PACRG: variants seen among roughly 807,000 people sequenced by gnomAD.
The protein encoded by PACRG is parkin coregulated.
PACRG carries 29 observed loss-of-function variants against 29.7 expected under a neutral mutation model. That is an observed-to-expected ratio of 0.98 (90% CI 0.73 to 1.33). The LOEUF is 1.33. Among genes scored for constraint, PACRG ranks in the 40% most tolerant of loss-of-function variants. The pLI is 0.00. For missense variants in PACRG, 279 were observed against 316.2 expected, an observed-to-expected ratio of 0.88 and a Z score of 0.89; for synonymous variants, 116 against 118.7, an observed-to-expected ratio of 0.98 and a Z score of 0.15.
At chr6:162,740,418 A>C (rs12664219) in intron 1 of PACRG, among the ~76,000 whole-genome samples, 74,253 of 148,140 alleles carry the variant, frequency 0.5, 20,450 homozygotes, top group African/African-American at 0.76. Context: ...TCACGCCATT[A>C]TCCTGCCTCA....
chr6:163,138,118 T>G (rs534253314), intron 4 of PACRG, among the ~76,000 whole-genome samples: 1 of 152,324 alleles, frequency 6.6e-6, no homozygotes, highest in East Asian at 1.9e-4. Flanking sequence ...TTGGAAAACT[T>G]AAATCGAGTT....
intron 2 of PACRG, among the ~76,000 whole-genome samples, chr6:162,844,457 C>T (rs560517228): frequency 1.1e-4 from 16 of 152,340 alleles, no homozygotes; most frequent in East Asian, 5.8e-4. Flanking sequence ...CTTCGGCTCG[C>T]GCATGGTGCG....
At chr6:163,253,125 T>C (rs983413819) in intron 4 of PACRG, among the ~76,000 whole-genome samples, 21 of 151,124 alleles carry the variant, frequency 1.4e-4, no homozygotes, top group African/African-American at 4.9e-4. Context: ...GGCGAAACCC[T>C]GTCTCTACTA....
intron 2 of PACRG, among the ~76,000 whole-genome samples, chr6:162,821,760 A>G (rs889957511): frequency 6.6e-6 from 1 of 152,174 alleles, no homozygotes; most frequent in African/African-American, 2.4e-5. Flanking sequence ...CCCAAGGATA[A>G]TCTCCAGTTG....
chr6:163,043,179 A>T (rs1234119455), intron 2 of PACRG: 1 of 152,246 alleles, frequency 6.6e-6, no homozygotes, highest in Non-Finnish European at 1.5e-5. Flanking sequence ...ACTGTAAACA[A>T]AGTGACAGGA....
At chr6:163,131,694 G>A (rs1010519563) in intron 4 of PACRG, among the ~76,000 whole-genome samples, 9 of 152,070 alleles carry the variant, frequency 5.9e-5, no homozygotes, top group Non-Finnish European at 1.2e-4. Context: ...GCTGTGAATC[G>A]GAGCGATCCT....
intron 4 of PACRG, among the ~76,000 whole-genome samples, chr6:163,205,441 C>T (rs1420193727): frequency 6.6e-6 from 1 of 152,076 alleles, no homozygotes; most frequent in Admixed American, 6.6e-5. Flanking sequence ...CTTTGACAAA[C>T]TTGACAAAAG....
chr6:162,950,554 A>T (rs931621883), intron 2 of PACRG, among the ~76,000 whole-genome samples: 4 of 152,114 alleles, frequency 2.6e-5, no homozygotes, highest in African/African-American at 9.7e-5. Context: ...AGTTGAACAG[A>T]TCATATTTTG....
At chr6:163,245,017 C>G (rs1167549471) in intron 4 of PACRG, 1 of 455,448 alleles carries the variant, frequency 2.2e-6, no homozygotes, top group Non-Finnish European at 4.4e-6. Context: ...TGTCTTTCTA[C>G]CATTTTCTAC....
chr6:163,180,229 T>A (rs755817279), intron 4 of PACRG, among the ~76,000 whole-genome samples: 80 of 152,198 alleles, frequency 5.3e-4, no homozygotes, highest in Non-Finnish European at 7.3e-4. Flanking sequence ...CGCCCACTTC[T>A]CCAGTAGAAA....
intron 2 of PACRG, among the ~76,000 whole-genome samples, chr6:162,994,950 C>G (rs1211846061): frequency 6.7e-5 from 10 of 149,188 alleles, no homozygotes; most frequent in Non-Finnish European, 1.0e-4. Flanking sequence ...TGTTAGTTTT[C>G]CTTCTAACAG....
At chr6:162,922,198 C>T (rs1189657719) in intron 2 of PACRG, among the ~76,000 whole-genome samples, 6 of 150,422 alleles carry the variant, frequency 4.0e-5, no homozygotes, top group Non-Finnish European at 8.9e-5. Context: ...GGGAGCAGTG[C>T]CTGGGGGGTC....
chr6:162,852,915 A>G (rs907206053), intron 2 of PACRG, among the ~76,000 whole-genome samples: 2 of 152,214 alleles, frequency 1.3e-5, no homozygotes, highest in Non-Finnish European at 2.9e-5. Context: ...GCCAAAAACT[A>G]GAAACTGCCT....
intron 2 of PACRG, among the ~76,000 whole-genome samples, chr6:162,860,088 G>T (rs547549363): frequency 1.3e-5 from 2 of 151,146 alleles, no homozygotes; most frequent in Non-Finnish European, 2.9e-5. Flanking sequence ...GGAGAGAGAA[G>T]GAAGACACAA....
At chr6:162,974,666 AT>A (rs1478930682) in intron 2 of PACRG, among the ~76,000 whole-genome samples, 4 of 152,222 alleles carry the variant, frequency 2.6e-5, no homozygotes, top group African/African-American at 9.7e-5. Flanking sequence ...TCCTTAAATA[AT>A]GATGATGATA....
At chr6:163,030,925 C>T (rs1807600898) in intron 2 of PACRG, among the ~76,000 whole-genome samples, 1 of 152,142 alleles carries the variant, frequency 6.6e-6, no homozygotes, top group Non-Finnish European at 1.5e-5. Context: ...TGACTTGTAT[C>T]TTGTGCTGAC....
chr6:162,773,246 A>G (rs1296058432), intron 1 of PACRG, among the ~76,000 whole-genome samples: 1 of 151,008 alleles, frequency 6.6e-6, no homozygotes, highest in African/African-American at 2.4e-5. Context: ...TTTCTATCTT[A>G]TTTGTGTTTT....
In PACRG at chr6:163,150,628, A is replaced by G. The variant is rs577031468; in HGVS notation, c.613+61220A>G. Among the ~76,000 whole-genome samples, 13 of 152,340 alleles carry G rather than the reference A, an allele frequency of 8.5e-5. No individual in the cohort carries two copies. In the East Asian group the frequency reaches 2.3e-3, roughly 27 times the overall value. ...CCCCCGCCTCTTACCCTCTAAGAAC[A>G]GGAAAACCCGTGGAATTATTTGCTC... On this transcript the variant is annotated intron_variant, in intron 4 of 4. Transcript: ENST00000366888.
At chr6:162,788,987 T>G (rs1483264814) in intron 1 of PACRG, among the ~76,000 whole-genome samples, 1 of 152,148 alleles carries the variant, frequency 6.6e-6, no homozygotes, top group South Asian at 2.1e-4. Flanking sequence ...AAAGCTTCCC[T>G]GATTGGAAAT....
Sources: gnomAD v4.1 joint callset for allele counts (sites outside exome capture counted in the v4.1 genomes callset) on GRCh38, gnomAD v4.1.1 for gene constraint, MANE v1.5 for transcripts, NCBI Gene and HGNC (gene_info 2026-07-23, HGNC 2026-07-21) for gene names.